The following DSCAM variants were observed in gnomAD, a reference collection of about 807,000 sequenced individuals.
DSCAM encodes DS cell adhesion molecule, also known as cell adhesion molecule DSCAM.
A neutral mutation model predicts 217.7 loss-of-function variants in DSCAM; 47 were observed. The observed-to-expected ratio is 0.22, with a 90% CI of 0.17 to 0.28. The LOEUF is 0.28. Among genes scored for constraint, DSCAM ranks in the 10% least tolerant of loss-of-function variants. DSCAM has a pLI of 1.00. For missense variants in DSCAM, 2,080 were observed against 2,618.3 expected (o/e 0.79, Z 4.49); for synonymous variants, 1,056 against 1,015.3 (o/e 1.04, Z -0.76).
rs138640890 is a variant in DSCAM at position 40,333,601 on chromosome 21, G to C, written c.1783+4500C>G. ...GCTGATCTCAAACTCCTGGCCTCAA[G>C]TGATCCTCCTGCCTCGGTCTCCCAA... On this transcript the variant is annotated intron_variant, in intron 8 of 32. Coordinates refer to ENST00000400454, the MANE Select transcript of DSCAM (RefSeq NM_001389.5). Among the ~76,000 whole-genome samples, 57 of 152,338 alleles carry C rather than the reference G, an allele frequency of 3.7e-4. No homozygotes were observed. The East Asian group carries it at 0.011, about 28-fold the overall frequency.
At chr21:40,481,530 C>CGAAAA (rs2075982751) in intron 3 of DSCAM, among the ~76,000 whole-genome samples, 1 of 60,510 alleles carries the variant, frequency 1.7e-5, no homozygotes, top group Non-Finnish European at 3.0e-5. Flanking sequence ...ACTCTGTCTC[C>CGAAAA]AAAAAAAAAA....
At chr21:40,525,128 C>G (rs181145874) in intron 3 of DSCAM, among the ~76,000 whole-genome samples, 5 of 151,882 alleles carry the variant, frequency 3.3e-5, no homozygotes, top group Admixed American at 2.6e-4. Flanking sequence ...AAAGGCTCAT[C>G]ATAACTTTAT....
At chr21:40,719,389 T>G (rs1393589180) in intron 1 of DSCAM, among the ~76,000 whole-genome samples, 1 of 152,132 alleles carries the variant, frequency 6.6e-6, no homozygotes, top group Admixed American at 6.5e-5. Context: ...TTGTGGAAAA[T>G]TATTAGCCTC....
At chr21:40,112,415 C>CA (rs994599056) in intron 20 of DSCAM, among the ~76,000 whole-genome samples, 2 of 152,018 alleles carry the variant, frequency 1.3e-5, no homozygotes, top group African/African-American at 4.8e-5. Context: ...ACATTTAAGA[C>CA]AGTATGTAGA....
rs141714157 is a variant in DSCAM, at chr21:40,280,672, G to A, written c.2183-4402C>T. On this transcript the variant is annotated intron_variant, in intron 10 of 32. Transcript: ENST00000400454. ...AAGTAAATACCTTCAGAGAGATTAC[G>A]GACTTTCTAATATCTTCTAAACATA... 5.4e-4 allele frequency among the ~76,000 whole-genome samples: 82 copies of A among 152,194 alleles called. No individual in the cohort carries two copies. The East Asian group carries it at 0.014, about 26-fold the overall frequency.
chr21:40,350,497 C>T (rs2074617818), intron 5 of DSCAM, among the ~76,000 whole-genome samples: 1 of 151,962 alleles, frequency 6.6e-6, no homozygotes, highest in Admixed American at 6.6e-5. Context: ...TTTTTTTTAC[C>T]CCAGTTGTTC....
intron 3 of DSCAM, among the ~76,000 whole-genome samples, chr21:40,440,770 C>G (rs978787749): frequency 7.1e-6 from 1 of 141,342 alleles, no homozygotes; most frequent in Non-Finnish European, 1.5e-5. Flanking sequence ...CACTGAGCAA[C>G]GTAGCCTCAG....
At chr21:40,123,984 C>T (rs2090065932) in intron 20 of DSCAM, among the ~76,000 whole-genome samples, 1 of 152,104 alleles carries the variant, frequency 6.6e-6, no homozygotes, top group South Asian at 2.1e-4. Context: ...TAATTCCAGA[C>T]AATTGTCCCC....
intron 10 of DSCAM, among the ~76,000 whole-genome samples, chr21:40,288,180 G>T (rs897508615): frequency 3.9e-5 from 6 of 152,076 alleles, no homozygotes; most frequent in African/African-American, 1.4e-4. Context: ...AGAAAACCAA[G>T]GAGGACAAAA....
At chr21:40,667,447 T>A (rs1364340703) in intron 3 of DSCAM, among the ~76,000 whole-genome samples, 20 of 152,186 alleles carry the variant, frequency 1.3e-4, no homozygotes, top group Admixed American at 1.3e-3. Flanking sequence ...TTGTGGAATG[T>A]CTGTTGAAAA....
At chr21:40,084,114 G>A (rs1254478742) in intron 23 of DSCAM, 108 bp from the exon 24 acceptor site, 2 of 823,536 alleles carry the variant, frequency 2.4e-6, no homozygotes, top group South Asian at 3.7e-5. Context: ...TTAAATAAGT[G>A]TTTCAGTTTG....
rs988409506 is a variant in DSCAM, at chr21:40,086,341, A to G, written c.3969-576T>C. ...CCAGTCCTTTGGGGTCATTCCCACA[A>G]CAGGCAGAATGCCAACTTGACCTTG... On this transcript the variant is annotated intron_variant, in intron 22 of 32. Transcript: ENST00000400454. Among the ~76,000 whole-genome samples, 5 of 152,200 alleles carry G rather than the reference A, an allele frequency of 3.3e-5. No homozygotes were observed. In the East Asian group the frequency reaches 9.6e-4, roughly 29 times the overall value.
At chr21:40,101,431 T>C (rs1167560364) in intron 20 of DSCAM, among the ~76,000 whole-genome samples, 2 of 150,106 alleles carry the variant, frequency 1.3e-5, no homozygotes, top group Admixed American at 1.3e-4. Flanking sequence ...CTTTTTGGCA[T>C]CAGGGACAGA....
chr21:40,242,759 C>T (rs1268973354), intron 11 of DSCAM, among the ~76,000 whole-genome samples: 1 of 152,186 alleles, frequency 6.6e-6, no homozygotes, highest in Non-Finnish European at 1.5e-5. Context: ...GATCCCCCTG[C>T]CCCCAACCCC....
intron 1 of DSCAM, among the ~76,000 whole-genome samples, chr21:40,779,745 G>GTC (rs759124176): frequency 0.25 from 38,210 of 151,588 alleles, 5,672 homozygotes; most frequent in South Asian, 0.33. Context: ...GGACAGCCGG[G>GTC]CCTGGCAAAG....
intron 28 of DSCAM, among the ~76,000 whole-genome samples, chr21:40,062,027 G>A (rs2089131161): frequency 6.6e-6 from 1 of 152,200 alleles, no homozygotes; most frequent in Non-Finnish European, 1.5e-5. Context: ...TAACACATCA[G>A]GCAATTAATC....
In DSCAM at chr21:40,440,181, C is replaced by G. The variant is rs113498793; in HGVS notation, c.509-70936G>C. ...TCCATGATGCTAGCCCTTTGAACATCTGACTCATTGTTCAACCTAGTGGCA... is the reference window on the plus strand; with the variant it reads ...TCCATGATGCTAGCCCTTTGAACATGTGACTCATTGTTCAACCTAGTGGCA... On this transcript the variant is annotated intron_variant, in intron 3 of 32. Transcript: ENST00000400454. Among the ~76,000 whole-genome samples, 476 of 152,350 alleles carry G rather than the reference C, an allele frequency of 3.1e-3. 1 individual carries two copies. Among genetic ancestry groups the G allele is most frequent in the Non-Finnish European group, 5.2e-3 (353 of 68,038 alleles).
intron 3 of DSCAM, among the ~76,000 whole-genome samples, chr21:40,659,393 C>CTATCT (rs1555877142): frequency 1.5e-4 from 21 of 138,770 alleles, no homozygotes; most frequent in African/African-American, 6.1e-4. Flanking sequence ...ATCTATCTAT[C>CTATCT]ATCTCTCTCA....
At chr21:40,758,031 T>A (rs1045036575) in intron 1 of DSCAM, among the ~76,000 whole-genome samples, 1 of 152,052 alleles carries the variant, frequency 6.6e-6, no homozygotes, top group Non-Finnish European at 1.5e-5. Context: ...GGTTTTCTTA[T>A]AAGAAGAGGA....
Sources: allele counts gnomAD v4.1 joint callset (sites outside exome capture counted in the v4.1 genomes callset), GRCh38; gene constraint gnomAD v4.1.1; transcripts MANE v1.5; gene names NCBI Gene and HGNC (gene_info 2026-07-23, HGNC 2026-07-21).